Variants in ERICH2 observed in about 807,000 individuals in gnomAD.
ERICH2 encodes the protein glutamate rich 2, also known as glutamate-rich protein 2.
ERICH2 carries 17 observed loss-of-function variants against 17.4 expected under a neutral mutation model. The ratio of observed to expected loss-of-function variants is 0.98; its 90% CI spans 0.67 to 1.47. The LOEUF is 1.47. Ranked by LOEUF, ERICH2 falls within the 40% of genes most tolerant of loss-of-function variation. The pLI is 0.00. For synonymous variants in ERICH2, 51 were observed against 61.1 expected, an observed-to-expected ratio of 0.83 and a Z score of 0.77; for missense variants, 186 against 183.2, an observed-to-expected ratio of 1.01 and a Z score of -0.09.
upstream of ERICH2, among the ~76,000 whole-genome samples, chr2:170,781,205 A>G (rs2105684749): frequency 6.6e-6 from 1 of 152,272 alleles, no homozygotes; most frequent in South Asian, 2.1e-4. Flanking sequence ...TCCATGAGGG[A>G]AAAAAACAGA....
intron 2 of ERICH2, among the ~76,000 whole-genome samples, chr2:170,785,876 C>T (rs114776008): frequency 0.02 from 3,090 of 152,220 alleles, 126 homozygotes; most frequent in Admixed American, 0.1. Flanking sequence ...AATTTTACCT[C>T]GCTTGTTGTG....
chr2:170,772,894 C>T, the ERICH2 span, among the ~76,000 whole-genome samples: 2 of 152,134 alleles, frequency 1.3e-5, no homozygotes, highest in Non-Finnish European at 2.9e-5. Context: ...AAAATAATTG[C>T]ATAAGTGGGA....
In ERICH2 at chr2:170,791,156, A is replaced by C. The variant is rs889778171; in HGVS notation, c.217-1707A>C. Among the ~76,000 whole-genome samples the C allele has an allele frequency of 4.6e-5, 7 of 152,222 alleles. 1 individual carries two copies. Among genetic ancestry groups the C allele is most frequent in the African/African-American group, 1.7e-4 (7 of 41,468 alleles). ...ATGAAAATGTCTTAACCTAGACAAG[A>C]ATAGATTTTAAAAATATAAGAATTC... On this transcript the variant is annotated intron_variant, in intron 2 of 4. Transcript: ENST00000409885.
In ERICH2 at chr2:170,791,638, C is replaced by T. The variant is rs963673424; in HGVS notation, c.217-1225C>T. Among the ~76,000 whole-genome samples the T allele has an allele frequency of 1.2e-4, 18 of 151,604 alleles. No individual in the cohort carries two copies. In the East Asian group the frequency reaches 3.1e-3, roughly 26 times the overall value. ...CCGGGAGGCAGAGCTTGCAGTGAGC[C>T]GAGATCGCGCCACTGCGCTCCAGCC... is the stretch of plus-strand genomic sequence containing the variant. On this transcript the variant is annotated intron_variant, in intron 2 of 4. Coordinates refer to ENST00000409885, the Ensembl canonical transcript of ERICH2.
Position 170,798,108 on chromosome 2 carries a change from G to A in ERICH2, c.342G>A (p.Leu114=), listed in dbSNP as rs1392407784. ...TCACACTTATTGAAGAAATGTTGCT[G>A]ATGGGTAATTTTAAAAATTGAAATT... Residue 114 remains leucine, a synonymous_variant, in exon 4 of 5, where the codon CTG becomes CTA. Transcript: ENST00000409885. 10 of 1,540,654 alleles carry A rather than the reference G, an allele frequency of 6.5e-6. No individual in the cohort carries two copies. The South Asian group carries it at 9.5e-5, about 15-fold the overall frequency.
At chr2:170,789,127 AT>A (rs200769691) in intron 2 of ERICH2, among the ~76,000 whole-genome samples, 32,686 of 140,444 alleles carry the variant, frequency 0.23, 4,266 homozygotes, top group South Asian at 0.33. Context: ...TGCCTGGCTA[AT>A]TTTTTTTTTT....
At chr2:170,795,559 G>T (rs1429079961) in intron 3 of ERICH2, among the ~76,000 whole-genome samples, 1 of 151,942 alleles carries the variant, frequency 6.6e-6, no homozygotes, top group Non-Finnish European at 1.5e-5. Flanking sequence ...CATTGCCCAG[G>T]TTGGTCTCAA....
chr2:170,793,442 A>G (rs1309158596), intron 3 of ERICH2, among the ~76,000 whole-genome samples: 1 of 152,258 alleles, frequency 6.6e-6, no homozygotes, highest in East Asian at 1.9e-4. Context: ...AAGAAGGAAT[A>G]GAAGGTACTG....
chr2:170,787,031 TTTTGTTTGTTTG>T (rs141133369), intron 2 of ERICH2, among the ~76,000 whole-genome samples: 1 of 151,188 alleles, frequency 6.6e-6, no homozygotes, highest in Admixed American at 6.6e-5. Flanking sequence ...CATGCCTATA[TTTTGTTTGTTTG>T]TTTGTTTGTT....
chr2:170,788,955 CT>C, intron 2 of ERICH2, among the ~76,000 whole-genome samples: 1 of 124,954 alleles, frequency 8.0e-6, no homozygotes, highest in East Asian at 2.4e-4. Flanking sequence ...TTCTTTCTTT[CT>C]TTCTTTATTT....
At chr2:170,781,279 G>C (rs559660949), upstream of ERICH2, among the ~76,000 whole-genome samples, 2 of 152,266 alleles carry the variant, frequency 1.3e-5, no homozygotes, top group African/African-American at 4.8e-5. Context: ...ATGCAAACTA[G>C]AAGGTGAATT....
chr2:170,791,541 T>G (rs1403621195), intron 2 of ERICH2, among the ~76,000 whole-genome samples: 2 of 11,374 alleles, frequency 1.8e-4, no homozygotes, highest in Non-Finnish European at 4.0e-4. Context: ...AAAAAAAAAA[T>G]TAGCCGGGCG....
At chr2:170,773,940 T>G in the ERICH2 span, among the ~76,000 whole-genome samples, 1 of 152,108 alleles carries the variant, frequency 6.6e-6, no homozygotes, top group Non-Finnish European at 1.5e-5. Context: ...CAGGCTGGTG[T>G]CGACCTCCCA....
upstream of ERICH2, among the ~76,000 whole-genome samples, chr2:170,780,526 C>T (rs989237184): frequency 6.6e-6 from 1 of 152,154 alleles, no homozygotes; most frequent in Non-Finnish European, 1.5e-5. Context: ...ATGTGTGTTT[C>T]ATTAAAATTA....
chr2:170,778,268 TCTC>T, the ERICH2 span: 22 of 152,218 alleles, frequency 1.4e-4, no homozygotes, highest in African/African-American at 5.1e-4. Context: ...CCTGTAGTCA[TCTC>T]CTACTTTCTG....
At chr2:170,772,827 C>T in the ERICH2 span, among the ~76,000 whole-genome samples, 3 of 152,182 alleles carry the variant, frequency 2.0e-5, no homozygotes, top group Non-Finnish European at 2.9e-5. Flanking sequence ...TTTATTCATT[C>T]TGTCTTTGCC....
chr2:170,793,211 T>G (rs1489911383), intron 3 of ERICH2, among the ~76,000 whole-genome samples: 8 of 152,210 alleles, frequency 5.3e-5, no homozygotes. Flanking sequence ...TACCTTTAGT[T>G]TCAAAGAAGT....
upstream of ERICH2, among the ~76,000 whole-genome samples, chr2:170,781,631 TA>T (rs59729388): frequency 0.26 from 32,540 of 126,970 alleles, 4,086 homozygotes; most frequent in South Asian, 0.35. Context: ...AGACTTGGTC[TA>T]AAAAAAAAAA....
chr2:170,774,366 G>A, the ERICH2 span, among the ~76,000 whole-genome samples: 1 of 151,968 alleles, frequency 6.6e-6, no homozygotes, highest in Non-Finnish European at 1.5e-5. Context: ...CTTCCTATAT[G>A]CCAGGCTCTG....
Sources: gnomAD v4.1 joint callset for allele counts (sites outside exome capture counted in the v4.1 genomes callset) on GRCh38, gnomAD v4.1.1 for gene constraint, MANE v1.5 for transcripts, NCBI Gene and HGNC (gene_info 2026-07-23, HGNC 2026-07-21) for gene names.